The following CCSER1 variants were observed in gnomAD, a reference collection of about 807,000 sequenced individuals.
CCSER1 encodes serine-rich coiled-coil domain-containing protein 1.
Under a neutral mutation model 82.0 loss-of-function variants are expected in CCSER1, and 41 were observed. The observed-to-expected ratio is 0.50, with a 90% confidence interval of 0.39 to 0.65. CCSER1 has a LOEUF of 0.65. Among genes scored for constraint, CCSER1 ranks in the 30% least tolerant of loss-of-function variants. The probability of loss-of-function intolerance (pLI) is 0.00; values close to 1 mark genes in which losing one functional copy is unlikely to be tolerated. For synonymous variants in CCSER1, 414 were observed against 383.9 expected (o/e 1.08, Z -0.92); for missense variants, 1,119 against 1,064.2 (o/e 1.05, Z -0.72).
chr4:90,788,213 T>C (rs1008630908), intron 7 of CCSER1, among the ~76,000 whole-genome samples: 2 of 152,200 alleles, frequency 1.3e-5, no homozygotes, highest in African/African-American at 4.8e-5. Flanking sequence ...CATCCATTCT[T>C]CTTTTTCTTT....
At chr4:90,273,185 A>G (rs1481083053) in intron 1 of CCSER1, among the ~76,000 whole-genome samples, 1 of 152,092 alleles carries the variant, frequency 6.6e-6, no homozygotes, top group Non-Finnish European at 1.5e-5. Context: ...ATGGAGATAC[A>G]GAGTAAAATG....
chr4:90,524,167 T>C (rs1773468447), intron 5 of CCSER1, among the ~76,000 whole-genome samples: 1 of 152,226 alleles, frequency 6.6e-6, no homozygotes, highest in African/African-American at 2.4e-5. Context: ...TTGTCTGAAT[T>C]CCTTAAAGAT....
rs191175290 is a variant in CCSER1, at chr4:90,400,521, C to T, written c.1603+392C>T. ...GGAAGTTTTGTGGATCTAAGATTTA[C>T]TGCTCCAAATCTTAGCCACTTCCTA... On this transcript the variant is annotated intron_variant, in intron 4 of 10. Transcript: ENST00000509176. 8.2e-3 allele frequency among the ~76,000 whole-genome samples: 1,251 copies of T among 152,108 alleles called. 12 individuals carry two copies. The highest frequency in any genetic ancestry group is 0.03 in the South Asian group (144 of 4,816).
chr4:91,271,853 CA>C (rs1742059743), intron 10 of CCSER1, among the ~76,000 whole-genome samples: 1 of 152,120 alleles, frequency 6.6e-6, no homozygotes, highest in South Asian at 2.1e-4. Flanking sequence ...CTCCTGGGTT[CA>C]AGTGATTCTC....
chr4:90,912,961 A>G (rs1384123830), intron 8 of CCSER1, among the ~76,000 whole-genome samples: 1 of 152,216 alleles, frequency 6.6e-6, no homozygotes, highest in Admixed American at 6.5e-5. Flanking sequence ...AGAAACGAAC[A>G]AAGCCTCCAA....
intron 5 of CCSER1, among the ~76,000 whole-genome samples, chr4:90,578,684 C>T (rs1044726892): frequency 6.6e-6 from 1 of 152,100 alleles, no homozygotes; most frequent in Non-Finnish European, 1.5e-5. Context: ...TTCCCTTTTG[C>T]TATGTGGCAG....
intron 5 of CCSER1, among the ~76,000 whole-genome samples, chr4:90,548,873 A>G (rs2153639507): frequency 6.6e-6 from 1 of 152,142 alleles, no homozygotes; most frequent in Admixed American, 6.6e-5. Context: ...GAATCGTTTG[A>G]AAGAGTGAGG....
At chr4:90,544,628 C>T (rs1010630198) in intron 5 of CCSER1, among the ~76,000 whole-genome samples, 2 of 152,068 alleles carry the variant, frequency 1.3e-5, no homozygotes, top group Non-Finnish European at 2.9e-5. Context: ...TCTTAGTCTA[C>T]AGCCCCTCCA....
At chr4:91,231,841 A>G (rs1166102686) in intron 10 of CCSER1, among the ~76,000 whole-genome samples, 1 of 151,844 alleles carries the variant, frequency 6.6e-6, no homozygotes, top group African/African-American at 2.4e-5. Context: ...AATATACTTC[A>G]GTAGGAGACC....
chr4:90,194,848 T>C (rs1736304656), intron 1 of CCSER1, among the ~76,000 whole-genome samples: 1 of 152,028 alleles, frequency 6.6e-6, no homozygotes, highest in Non-Finnish European at 1.5e-5. Context: ...AAGTAATGAG[T>C]ATACTCTTAC....
chr4:91,120,647 C>A (rs971436870), intron 10 of CCSER1, among the ~76,000 whole-genome samples: 1 of 151,598 alleles, frequency 6.6e-6, no homozygotes, highest in Non-Finnish European at 1.5e-5. Flanking sequence ...TGTCATGAGG[C>A]GTAAAAATTT....
intron 1 of CCSER1, among the ~76,000 whole-genome samples, chr4:90,305,021 A>G (rs1733992133): frequency 6.6e-6 from 1 of 151,190 alleles, no homozygotes; most frequent in African/African-American, 2.4e-5. Flanking sequence ...GGTTCATGCC[A>G]TTCTCCCGCC....
At chr4:91,224,083 G>A (rs1737960822) in intron 10 of CCSER1, among the ~76,000 whole-genome samples, 1 of 148,644 alleles carries the variant, frequency 6.7e-6, no homozygotes, top group African/African-American at 2.5e-5. Context: ...CAGAAATAGT[G>A]CGGTGACTGA....
chr4:90,999,848 C>A (rs62309829), intron 9 of CCSER1, among the ~76,000 whole-genome samples: 40,798 of 147,060 alleles, frequency 0.28, 6,771 homozygotes, highest in East Asian at 0.39. Flanking sequence ...ATTTTTTTCT[C>A]AAGGCCCATG....
intron 8 of CCSER1, chr4:90,839,039 G>C: frequency 1.2e-6 from 2 of 1,612,288 alleles, no homozygotes; most frequent in Non-Finnish European, 1.7e-6. Flanking sequence ...GTCAGACATG[G>C]TTGCGGAGGA....
chr4:90,932,996 G>GAAAGAAAGAA lies in CCSER1; in HGVS notation c.2172+9551_2172+9560dup, dbSNP rs1196463150. 7.1e-5 allele frequency among the ~76,000 whole-genome samples: 4 copies of GAAAGAAAGAA among 56,062 alleles called. 1 individual carries two copies. Among genetic ancestry groups the GAAAGAAAGAA allele is most frequent in the Non-Finnish European group, 1.3e-4 (4 of 31,504 alleles). 36.8% of individuals were successfully genotyped at this position (56,062 alleles called of 152,430 possible). A position where few individuals can be genotyped will look rare whatever the true frequency, so the allele number is the denominator to read the frequency against. On this transcript the variant is annotated intron_variant, in intron 9 of 10. Transcript: ENST00000509176. ...AAAGAAAGAAAGAGAAAGAAAGAAA[G>GAAAGAAAGAA]AAAGAAAGAAAGAAAGAAAGAAAGA...
At chr4:90,748,763 T>A (rs1457492869) in intron 7 of CCSER1, among the ~76,000 whole-genome samples, 1 of 150,292 alleles carries the variant, frequency 6.7e-6, no homozygotes, top group Non-Finnish European at 1.5e-5. Flanking sequence ...ATTGTGGTTT[T>A]GATGTGCATT....
intron 5 of CCSER1, among the ~76,000 whole-genome samples, chr4:90,486,040 A>G (rs960110597): frequency 5.3e-5 from 8 of 152,190 alleles, no homozygotes; most frequent in Non-Finnish European, 1.2e-4. Flanking sequence ...AGAAACAAAT[A>G]TGGAACCTAA....
chr4:90,398,329 G>A (rs1024241026), intron 3 of CCSER1, among the ~76,000 whole-genome samples: 6 of 151,980 alleles, frequency 3.9e-5, no homozygotes, highest in African/African-American at 1.4e-4. Flanking sequence ...TATAAATTTT[G>A]GAAGGATACA....
Sources: gnomAD v4.1 joint callset for allele counts (sites outside exome capture counted in the v4.1 genomes callset) on GRCh38, gnomAD v4.1.1 for gene constraint, MANE v1.5 for transcripts, NCBI Gene and HGNC (gene_info 2026-07-23, HGNC 2026-07-21) for gene names.